The following FRMPD4 variants were observed in gnomAD, a reference collection of about 807,000 sequenced individuals.
FRMPD4 encodes the protein FERM and PDZ domain containing 4, also known as FERM and PDZ domain-containing protein 4.
A neutral mutation model predicts 94.1 loss-of-function variants in FRMPD4; 22 were observed. The observed-to-expected ratio is 0.23, with a 90% CI of 0.17 to 0.33. The LOEUF (loss-of-function observed/expected upper bound fraction) is 0.33. FRMPD4 is among the 10% of genes least tolerant of loss of function. The probability of loss-of-function intolerance (pLI) is 1.00; values close to 1 mark genes in which losing one functional copy is unlikely to be tolerated. For missense variants in FRMPD4, 1,111 were observed against 1,339.9 expected (o/e 0.83, Z 2.67); for synonymous variants, 631 against 548.6 (o/e 1.15, Z -2.10).
chrX:12,693,823 G>T (rs765240142), intron 8 of FRMPD4, among the ~76,000 whole-genome samples: 15 of 112,008 alleles, frequency 1.3e-4, no homozygotes, highest in Non-Finnish European at 2.4e-4. Context: ...GCCAGCATCT[G>T]CAGATCTTCT....
intron 3 of FRMPD4, among the ~76,000 whole-genome samples, chrX:11,891,695 T>A (rs1027104084): frequency 3.6e-5 from 4 of 111,986 alleles, no homozygotes; most frequent in African/African-American, 1.3e-4. Context: ...AGCCCCAGAG[T>A]TCTCATCTGG....
intron 1 of FRMPD4, among the ~76,000 whole-genome samples, chrX:12,150,105 ATG>A (rs920959973): frequency 1.1e-4 from 12 of 112,781 alleles, no homozygotes; most frequent in African/African-American, 3.2e-4. Flanking sequence ...CAAAAAAATT[ATG>A]TGACTCATTT....
chrX:12,232,568 G>C (rs1053415475), intron 1 of FRMPD4, among the ~76,000 whole-genome samples: 4 of 111,179 alleles, frequency 3.6e-5, no homozygotes, highest in Non-Finnish European at 7.5e-5. Flanking sequence ...TGGGGACACA[G>C]ACAAACCATG....
At chrX:12,605,372 A>C (rs4492547) in intron 2 of FRMPD4, among the ~76,000 whole-genome samples, 26,763 of 110,907 alleles carry the variant, frequency 0.24, 4,915 homozygotes, top group African/African-American at 0.64. Flanking sequence ...CTCCTGGTCT[A>C]TCAGGGTGGC....
rs143747521 is a variant in FRMPD4 at position 11,871,310 on chromosome X, G to C, written c.-30+6094G>C. ...CACTTGCACTCAGATCCTTATCTCA[G>C]GGTCTGCATCTGGGGGAATCCAACT... is the stretch of plus-strand genomic sequence containing the variant. On this transcript the variant is annotated intron_variant, in intron 2 of 18. Coordinates refer to the FRMPD4 transcript ENST00000640291. Among the ~76,000 whole-genome samples, 395 of 111,783 alleles carry C rather than the reference G, an allele frequency of 3.5e-3. 3 individuals are homozygous for C. The highest frequency in any genetic ancestry group is 0.012 in the African/African-American group (381 of 30,770).
rs149112024 is a variant in FRMPD4 at position 11,902,678 on chromosome X, A to C, written c.95+24660A>C. 4.4e-3 allele frequency among the ~76,000 whole-genome samples: 486 copies of C among 111,449 alleles called. 2 individuals are homozygous for C. Among genetic ancestry groups the C allele is most frequent in the African/African-American group, 0.015 (465 of 30,682 alleles). ...ATAGCCTTTCAGTAAGATTTGTCAA[A>C]GAACTCTCACTTCAGGAATTTTCTC... On this transcript the variant is annotated intron_variant, in intron 3 of 18. Coordinates refer to the FRMPD4 transcript ENST00000640291.
chrX:12,620,798 A>G (rs1246568595), intron 4 of FRMPD4, among the ~76,000 whole-genome samples: 1 of 112,627 alleles, frequency 8.9e-6, no homozygotes, highest in Non-Finnish European at 1.9e-5. Flanking sequence ...CTGGAAATCT[A>G]GCAGACCCCA....
chrX:12,471,958 T>G (rs2057519188), intron 1 of FRMPD4, among the ~76,000 whole-genome samples: 1 of 112,026 alleles, frequency 8.9e-6, no homozygotes, highest in Non-Finnish European at 1.9e-5. Context: ...TTGAGAACAA[T>G]AACTCAATCT....
At chrX:11,875,089 A>C (rs2147308832) in intron 2 of FRMPD4, among the ~76,000 whole-genome samples, 1 of 112,571 alleles carries the variant, frequency 8.9e-6, no homozygotes, top group East Asian at 2.8e-4. Flanking sequence ...AAAGGACATA[A>C]AATTATTTTT....
At chrX:12,379,386 G>C (rs1247079274) in intron 1 of FRMPD4, among the ~76,000 whole-genome samples, 3 of 111,902 alleles carry the variant, frequency 2.7e-5, no homozygotes. Context: ...CTAGGTATTG[G>C]ATTTGCCCTC....
At chrX:11,911,114 T>C (rs867104438) in intron 3 of FRMPD4, among the ~76,000 whole-genome samples, 31 of 112,562 alleles carry the variant, frequency 2.8e-4, no homozygotes, top group Middle Eastern at 9.2e-3. Flanking sequence ...TCAACTCTGC[T>C]GTTATAGTGC....
chrX:12,161,525 G>A (rs768476101), intron 1 of FRMPD4, among the ~76,000 whole-genome samples: 1 of 111,918 alleles, frequency 8.9e-6, no homozygotes, highest in African/African-American at 3.2e-5. Flanking sequence ...TAACAACCCA[G>A]TGGGATAGGT....
chrX:11,922,172 G>C (rs1394592709), intron 3 of FRMPD4, among the ~76,000 whole-genome samples: 1 of 111,603 alleles, frequency 9.0e-6, no homozygotes, highest in Non-Finnish European at 1.9e-5. Flanking sequence ...GGTTTAATTG[G>C]CTCACAGTTC....
At chrX:12,420,777 G>A (rs184471190) in intron 1 of FRMPD4, among the ~76,000 whole-genome samples, 2 of 112,393 alleles carry the variant, frequency 1.8e-5, no homozygotes, top group African/African-American at 3.2e-5. Flanking sequence ...ACATGTAACC[G>A]CATGTTTGAT....
chrX:12,024,184 G>T (rs1046606131), intron 3 of FRMPD4, among the ~76,000 whole-genome samples: 1 of 111,484 alleles, frequency 9.0e-6, no homozygotes. Context: ...CACCATGAAG[G>T]TTGAATTATA....
intron 1 of FRMPD4, among the ~76,000 whole-genome samples, chrX:11,862,640 A>G (rs2053693845): frequency 9.0e-6 from 1 of 110,626 alleles, no homozygotes; most frequent in African/African-American, 3.3e-5. Context: ...TGGGGATACT[A>G]ACATGCACTG....
At chrX:12,244,257 C>T (rs1350830063) in intron 1 of FRMPD4, among the ~76,000 whole-genome samples, 2 of 111,156 alleles carry the variant, frequency 1.8e-5, no homozygotes, top group African/African-American at 6.6e-5. Flanking sequence ...GCCTTTGGCT[C>T]AGCTAAATTT....
chrX:11,848,790 C>T (rs1463611516), intron 1 of FRMPD4, among the ~76,000 whole-genome samples: 1 of 110,922 alleles, frequency 9.0e-6, no homozygotes, highest in African/African-American at 3.3e-5. Flanking sequence ...TTTCATATTC[C>T]CCTGTAATTG....
At chrX:11,987,627 A>G (rs1268086520) in intron 3 of FRMPD4, among the ~76,000 whole-genome samples, 1 of 111,703 alleles carries the variant, frequency 9.0e-6, no homozygotes, top group Non-Finnish European at 1.9e-5. Context: ...GAAGAAGTCA[A>G]ATTATCCTTG....
Sources: allele counts gnomAD v4.1 joint callset (sites outside exome capture counted in the v4.1 genomes callset), GRCh38; gene constraint gnomAD v4.1.1; transcripts MANE v1.5; gene names NCBI Gene and HGNC (gene_info 2026-07-23, HGNC 2026-07-21).